Variants in ZDHHC21 observed in about 807,000 individuals in gnomAD.
ZDHHC21 encodes the protein zDHHC palmitoyltransferase 21.
Under a neutral mutation model 34.6 loss-of-function variants are expected in ZDHHC21, and 15 were observed. That is an observed-to-expected ratio of 0.43 (90% CI 0.29 to 0.67). ZDHHC21 has a LOEUF of 0.67. Ranked by LOEUF, ZDHHC21 falls within the 30% of genes least tolerant of loss-of-function variation. The pLI is 0.14. For missense variants in ZDHHC21, 344 were observed against 327.7 expected (o/e 1.05, Z -0.38); for synonymous variants, 142 against 101.8 (o/e 1.40, Z -2.38).
chr9:14,597,465 A>C, the ZDHHC21 span, among the ~76,000 whole-genome samples: 1 of 152,170 alleles, frequency 6.6e-6, no homozygotes, highest in Non-Finnish European at 1.5e-5. Context: ...AGAATCTGAG[A>C]GCGGCCTGCC....
chr9:14,594,436 C>T, the ZDHHC21 span, among the ~76,000 whole-genome samples: 1 of 151,998 alleles, frequency 6.6e-6, no homozygotes, highest in African/African-American at 2.4e-5. Flanking sequence ...ATAAATTTGC[C>T]AAAACAATTC....
intron 6 of ZDHHC21, among the ~76,000 whole-genome samples, chr9:14,660,361 A>G (rs1426691215): frequency 1.7e-5 from 2 of 116,942 alleles, no homozygotes; most frequent in African/African-American, 6.7e-5. Context: ...CAACAGAGTA[A>G]GACTCCATCT....
intron 5 of ZDHHC21, among the ~76,000 whole-genome samples, chr9:14,664,740 T>G (rs370523875): frequency 6.6e-6 from 1 of 151,994 alleles, no homozygotes; most frequent in African/African-American, 2.4e-5. Context: ...AGGGGCACAC[T>G]GACATCTCAC....
rs114253868 is a variant in ZDHHC21, at chr9:14,645,370, A to C, written c.505-5358T>G. Among the ~76,000 whole-genome samples, 807 of 152,146 alleles carry C rather than the reference A, an allele frequency of 5.3e-3. 10 individuals carry two copies. The highest frequency in any genetic ancestry group is 0.019 in the African/African-American group (770 of 41,522). On this transcript the variant is annotated intron_variant, in intron 7 of 9. Transcript: ENST00000380916. ...GTGGAGGGGAAAGAATTATCTTTTC[A>C]ATAAATGGTGCTAAATCAATTGACT...
intron 5 of ZDHHC21, among the ~76,000 whole-genome samples, chr9:14,669,295 A>G (rs1194967049): frequency 2.8e-5 from 4 of 144,476 alleles, no homozygotes; most frequent in African/African-American, 9.9e-5. Flanking sequence ...AATCAAAACC[A>G]CTATGAGATA....
chr9:14,639,474 A>G (rs1828926096), intron 8 of ZDHHC21, among the ~76,000 whole-genome samples: 1 of 152,118 alleles, frequency 6.6e-6, no homozygotes, highest in Non-Finnish European at 1.5e-5. Context: ...GCAGCAATGT[A>G]TATTTTAAAG....
chr9:14,688,017 G>A (rs1838601421), intron 2 of ZDHHC21, among the ~76,000 whole-genome samples: 1 of 150,764 alleles, frequency 6.6e-6, no homozygotes, highest in African/African-American at 2.5e-5. Flanking sequence ...AGTCAAGTGT[G>A]GCAGTTAAAT....
intron 5 of ZDHHC21, among the ~76,000 whole-genome samples, chr9:14,672,175 A>G (rs1835588287): frequency 1.3e-5 from 2 of 152,122 alleles, no homozygotes; most frequent in Non-Finnish European, 1.5e-5. Flanking sequence ...TAAAATCACC[A>G]AAGTATTAGG....
rs1269180196 is a variant in ZDHHC21, at chr9:14,617,663, T to A, written c.*1303A>T. On this transcript the variant is annotated 3_prime_UTR_variant, in exon 10 of 10. Transcript: ENST00000380916. ...GGAAAAAAACTAAAAGCTGAGTTTTTTTCAAAGCATACTAAATGTCTTTTC... is the reference window on the plus strand; with the variant it reads ...GGAAAAAAACTAAAAGCTGAGTTTTATTCAAAGCATACTAAATGTCTTTTC... 1 of 152,152 alleles carries A rather than the reference T, an allele frequency of 6.6e-6. No individual in the cohort carries two copies. Among genetic ancestry groups the A allele is most frequent in the Non-Finnish European group, 1.5e-5 (1 of 67,930 alleles). 9.4% of individuals were successfully genotyped at this position (152,152 alleles called of 1,614,324 possible). A position where few individuals can be genotyped will look rare whatever the true frequency, so the allele number is the denominator to read the frequency against.
chr9:14,607,602 G>A (rs975614947), downstream of ZDHHC21, among the ~76,000 whole-genome samples: 4 of 151,368 alleles, frequency 2.6e-5, no homozygotes, highest in African/African-American at 7.3e-5. Context: ...TGTTCTAGAC[G>A]GTGATAAGTG....
chr9:14,667,216 A>G (rs907245430), intron 5 of ZDHHC21, among the ~76,000 whole-genome samples: 2 of 148,134 alleles, frequency 1.4e-5, no homozygotes, highest in African/African-American at 5.0e-5. Context: ...AGAATACTAC[A>G]AACACCTCTA....
intron 6 of ZDHHC21, among the ~76,000 whole-genome samples, chr9:14,661,459 T>C (rs957331631): frequency 1.3e-5 from 2 of 152,228 alleles, no homozygotes; most frequent in African/African-American, 4.8e-5. Context: ...CAGATACATT[T>C]GTCAAATTCT....
At chr9:14,691,128 T>C (rs1223535314) in intron 1 of ZDHHC21, among the ~76,000 whole-genome samples, 1 of 152,208 alleles carries the variant, frequency 6.6e-6, no homozygotes, top group Non-Finnish European at 1.5e-5. Flanking sequence ...TGAGTCACAT[T>C]CAATTACAAT....
At chr9:14,603,864 G>C in the ZDHHC21 span, among the ~76,000 whole-genome samples, 6 of 152,066 alleles carry the variant, frequency 3.9e-5, no homozygotes, top group Admixed American at 3.3e-4. Flanking sequence ...CCTCATAAGA[G>C]CATAATTTTT....
chr9:14,664,049 C>T (rs952111062), intron 5 of ZDHHC21, among the ~76,000 whole-genome samples: 1 of 152,270 alleles, frequency 6.6e-6, no homozygotes, highest in East Asian at 1.9e-4. Flanking sequence ...CAGCTCCCAG[C>T]GTGAGCGACG....
At chr9:14,609,569 G>A (rs10961617), downstream of ZDHHC21, among the ~76,000 whole-genome samples, 53,417 of 151,832 alleles carry the variant, frequency 0.35, 9,748 homozygotes, top group Middle Eastern at 0.43. Flanking sequence ...CCGCTTCCCA[G>A]TACTTACTTT....
At chr9:14,639,559 T>C (rs1489758402) in intron 8 of ZDHHC21, among the ~76,000 whole-genome samples, 2 of 152,074 alleles carry the variant, frequency 1.3e-5, no homozygotes, top group East Asian at 3.9e-4. Context: ...AGACCCCAAA[T>C]ACTCTGATTT....
At chr9:14,657,148 T>A (rs891028593) in intron 7 of ZDHHC21, among the ~76,000 whole-genome samples, 2 of 152,064 alleles carry the variant, frequency 1.3e-5, no homozygotes, top group East Asian at 3.8e-4. Flanking sequence ...AATACTTCAT[T>A]TGATTATTGG....
the ZDHHC21 span, among the ~76,000 whole-genome samples, chr9:14,597,897 C>T: frequency 6.6e-6 from 1 of 152,132 alleles, no homozygotes; most frequent in Non-Finnish European, 1.5e-5. Flanking sequence ...AATTAACCCA[C>T]TCTACCCACT....
Sources: allele counts gnomAD v4.1 joint callset (sites outside exome capture counted in the v4.1 genomes callset), GRCh38; gene constraint gnomAD v4.1.1; transcripts MANE v1.5; gene names NCBI Gene and HGNC (gene_info 2026-07-23, HGNC 2026-07-21).